TMOD1: variants seen among roughly 807,000 people sequenced by gnomAD.
The protein encoded by TMOD1 is tropomodulin 1, also known as tropomodulin-1.
In TMOD1, 17 loss-of-function variants were observed where a neutral mutation model predicts 40.6. The ratio of observed to expected loss-of-function variants is 0.42; its 90% CI spans 0.29 to 0.63. The LOEUF (loss-of-function observed/expected upper bound fraction) is 0.63. TMOD1 is among the 20% of genes least tolerant of loss of function. The pLI is 0.22. For missense variants in TMOD1, 391 were observed against 447.6 expected, an observed-to-expected ratio of 0.87 and a Z score of 1.14; for synonymous variants, 181 against 175.0, an observed-to-expected ratio of 1.03 and a Z score of -0.27.
chr9:97,556,102 GA>G (rs1196492450), intron 4 of TMOD1, among the ~76,000 whole-genome samples: 2 of 151,926 alleles, frequency 1.3e-5, no homozygotes, highest in Non-Finnish European at 2.9e-5. Context: ...GAGTGGAGAG[GA>G]GGGGGTGTTC....
chr9:97,520,890 C>G (rs1829904765), intron 1 of TMOD1, among the ~76,000 whole-genome samples: 1 of 152,202 alleles, frequency 6.6e-6, no homozygotes, highest in Non-Finnish European at 1.5e-5. Flanking sequence ...AGCCCCTTTT[C>G]CCCAAGCTGG....
At chr9:97,511,069 C>T (rs779058646) in intron 1 of TMOD1, among the ~76,000 whole-genome samples, 12 of 68,072 alleles carry the variant, frequency 1.8e-4, no homozygotes, top group Admixed American at 6.8e-4. Flanking sequence ...CACCCGCGCG[C>T]GCACACACAC....
At chr9:97,579,118 G>A (rs1049514569) in intron 8 of TMOD1, among the ~76,000 whole-genome samples, 3 of 152,216 alleles carry the variant, frequency 2.0e-5, no homozygotes, top group Non-Finnish European at 2.9e-5. Flanking sequence ...CCCTCTGCCT[G>A]CCGTGGCCAG....
rs1363700595 is a variant in TMOD1 at position 97,599,717 on chromosome 9, A to G, written c.*19A>G. 3 of 1,614,046 alleles carry G rather than the reference A, an allele frequency of 1.9e-6. No individual in the cohort carries two copies. Among genetic ancestry groups the G allele is most frequent in the South Asian group, 2.2e-5 (2 of 91,070 alleles). ...TGTCTAGTGTGTGGCGGTGGAGTCCATGCCTTTGAACTGGATGTGTTCTAT... is the reference window on the plus strand; with the variant it reads ...TGTCTAGTGTGTGGCGGTGGAGTCCGTGCCTTTGAACTGGATGTGTTCTAT... On this transcript the variant is annotated 3_prime_UTR_variant, in exon 10 of 10. Coordinates refer to ENST00000259365, the MANE Select transcript of TMOD1 (RefSeq NM_003275.4).
rs564706953 is a variant in TMOD1 at position 97,575,381 on chromosome 9, A to G, written c.870+6344A>G. 5.9e-5 allele frequency among the ~76,000 whole-genome samples: 9 copies of G among 152,320 alleles called. No homozygotes were observed. The South Asian group carries it at 8.3e-4, about 14-fold the overall frequency. The stretch of plus-strand genomic sequence containing the variant: ...TCCGGACACACCGCCTTTAAGAACT[A>G]TAACACTCACCTCGAGGGTCCGCGG... On this transcript the variant is annotated intron_variant, in intron 8 of 9. Transcript: ENST00000259365.
intron 3 of TMOD1, among the ~76,000 whole-genome samples, chr9:97,549,092 GGA>G (rs1390889630): frequency 1.3e-5 from 2 of 152,184 alleles, no homozygotes; most frequent in East Asian, 3.8e-4. Flanking sequence ...CATTCAAGTG[GGA>G]GAGACCAGAA....
chr9:97,521,039 G>A (rs1388138063), intron 1 of TMOD1, among the ~76,000 whole-genome samples: 3 of 152,184 alleles, frequency 2.0e-5, no homozygotes, highest in Non-Finnish European at 4.4e-5. Flanking sequence ...TAACAAGTAT[G>A]AGACACTCCC....
At chr9:97,553,588 C>T (rs1001140824) in intron 4 of TMOD1, among the ~76,000 whole-genome samples, 188 bp downstream of exon 4, 3 of 152,192 alleles carry the variant, frequency 2.0e-5, no homozygotes, top group Non-Finnish European at 4.4e-5. Context: ...GAGAAAACCA[C>T]GCAAACCCAC....
At chr9:97,564,198 G>A (rs908668700) in intron 6 of TMOD1, 30 bp downstream of exon 6, 17 of 1,560,026 alleles carry the variant, frequency 1.1e-5, no homozygotes, top group Admixed American at 5.8e-5. Flanking sequence ...CTTTACCTGT[G>A]TGTGGCTGGG....
intron 2 of TMOD1, among the ~76,000 whole-genome samples, chr9:97,543,550 A>C (rs1199673104): frequency 6.6e-6 from 1 of 152,256 alleles, no homozygotes; most frequent in Non-Finnish European, 1.5e-5. Context: ...CACATTTTAC[A>C]GCCATGGAAA....
Position 97,601,062 on chromosome 9 carries a change from T to C in TMOD1, c.*1364T>C, listed in dbSNP as rs1160601868. The C allele has an allele frequency of 7.7e-7, 1 of 1,304,084 alleles. No individual in the cohort carries two copies. Among genetic ancestry groups the C allele is most frequent in the Non-Finnish European group, 1.0e-6 (1 of 988,938 alleles). 80.8% of individuals were successfully genotyped at this position (1,304,084 alleles called of 1,614,324 possible). A position where few individuals can be genotyped will look rare whatever the true frequency, so the allele number is the denominator to read the frequency against. ...CACTGAACTGTAAGGCAGTGGGCAG[T>C]ACAGGGTAACTGGAGGCGGGGCCAG... On this transcript the variant is annotated 3_prime_UTR_variant, in exon 10 of 10. Coordinates refer to ENST00000259365, the MANE Select transcript of TMOD1 (RefSeq NM_003275.4).
At chr9:97,587,039 G>A (rs889848966) in intron 8 of TMOD1, among the ~76,000 whole-genome samples, 2 of 152,126 alleles carry the variant, frequency 1.3e-5, no homozygotes, top group Admixed American at 1.3e-4. Context: ...CCCACCACTT[G>A]GCATAATTCT....
intron 8 of TMOD1, among the ~76,000 whole-genome samples, chr9:97,588,729 T>C (rs1258125573): frequency 6.6e-6 from 1 of 152,212 alleles, no homozygotes; most frequent in Admixed American, 6.5e-5. Flanking sequence ...ATTTAGGTCT[T>C]ATTTAATGTA....
intron 8 of TMOD1, among the ~76,000 whole-genome samples, chr9:97,576,656 C>G (rs374372475): frequency 6.7e-6 from 1 of 149,080 alleles, no homozygotes; most frequent in African/African-American, 2.5e-5. Context: ...TTTTTTGAGA[C>G]GGAGTCTTGC....
At chr9:97,587,067 T>C (rs1045141024) in intron 8 of TMOD1, among the ~76,000 whole-genome samples, 16 of 152,212 alleles carry the variant, frequency 1.1e-4, no homozygotes, top group Non-Finnish European at 2.2e-4. Flanking sequence ...TTCATCCAAG[T>C]TGTTGCATGT....
chr9:97,599,652 C>G lies in TMOD1; in HGVS notation c.1034C>G (p.Ala345Gly), dbSNP rs771571898. ...TTTCCAGTGAGGAAGAGGAGGCTTG[C>G]GGACCTGACTGGGCCCATCATTCCC... ...NNDLVRKRRL[A>G]DLTGPIIPKC... is the part of the protein sequence containing the mutation. Residue 345 changes from alanine to glycine, a missense_variant, in exon 10 of 10, where the codon GCG becomes GGG. By Grantham distance (60) the Ala-to-Gly change is moderately conservative. Transcript: ENST00000259365. 4 of 1,613,986 alleles carry G rather than the reference C, an allele frequency of 2.5e-6. No individual in the cohort carries two copies. Among genetic ancestry groups the G allele is most frequent in the Non-Finnish European group, 3.4e-6 (4 of 1,180,012 alleles).
rs1829732832 is a variant in TMOD1, at chr9:97,513,131, T to G, written c.-48-11010T>G. The G allele has an allele frequency of 6.6e-6, 1 of 152,186 alleles. No individual in the cohort carries two copies. The allele number at this position is 152,186 out of a possible 1,614,324, so 9.4% of individuals were successfully genotyped here. ...CCTTGAACTGTTGATTTATGCTGGG[T>G]CTACAGTCACCGGAGAGCCCCACAT... is the stretch of plus-strand genomic sequence containing the variant. On this transcript the variant is annotated intron_variant, in intron 1 of 9. Transcript: ENST00000259365. This position sits in a 1 kb window ranked among gnomAD's most constrained non-coding sequence, Gnocchi z 4.1.
rs755065996 is a variant in TMOD1, at chr9:97,552,184, A to G, written c.278-1097A>G. Among the ~76,000 whole-genome samples, 63 of 152,056 alleles carry G rather than the reference A, an allele frequency of 4.1e-4. 1 individual carries two copies. The highest frequency in any genetic ancestry group is 9.8e-4 in the Admixed American group (15 of 15,256). On this transcript the variant is annotated intron_variant, in intron 3 of 9. Transcript: ENST00000259365. ...TTCCACTGACTTCTTTTTCCTGTCT[A>G]TTTATTCTGACTGAAACTTCCAGTG... is the stretch of plus-strand genomic sequence containing the variant.
upstream of TMOD1, chr9:97,501,395 G>C (rs1422492280): frequency 2.0e-5 from 3 of 152,224 alleles, no homozygotes; most frequent in Admixed American, 6.5e-5. Flanking sequence ...TAACTCTACC[G>C]TCGCTCAAAC....
Sources: allele counts gnomAD v4.1 joint callset (sites outside exome capture counted in the v4.1 genomes callset), GRCh38; gene constraint gnomAD v4.1.1; non-coding constraint Gnocchi (gnomAD v3.1); transcripts MANE v1.5; gene names NCBI Gene and HGNC (gene_info 2026-07-23, HGNC 2026-07-21).